Variants in UBE3C observed in about 807,000 individuals in gnomAD.
UBE3C encodes the protein ubiquitin protein ligase E3C, also known as ubiquitin-protein ligase E3C.
A neutral mutation model predicts 129.4 loss-of-function variants in UBE3C; 42 were observed. The observed-to-expected ratio is 0.32, with a 90% CI of 0.25 to 0.42. The LOEUF (loss-of-function observed/expected upper bound fraction) is 0.42. UBE3C is among the 10% of genes least tolerant of loss of function. UBE3C has a pLI of 1.00. For missense variants in UBE3C, 1,049 were observed against 1,319.1 expected (o/e 0.80, Z 3.17); for synonymous variants, 510 against 492.4 (o/e 1.04, Z -0.47).
intron 1 of UBE3C, among the ~76,000 whole-genome samples, chr7:157,144,958 T>G (rs943048581): frequency 5.9e-5 from 9 of 152,178 alleles, no homozygotes; most frequent in African/African-American, 2.2e-4. Flanking sequence ...CCTTACAGCG[T>G]TATACAGAAG....
At chr7:157,173,394 G>A (rs1808433120) in intron 4 of UBE3C, among the ~76,000 whole-genome samples, 1 of 152,164 alleles carries the variant, frequency 6.6e-6, no homozygotes, top group African/African-American at 2.4e-5. Flanking sequence ...AGATGCGATA[G>A]CAATAAATTA....
intron 10 of UBE3C, 68 bp downstream of exon 10, chr7:157,187,089 G>C: frequency 6.7e-7 from 1 of 1,490,406 alleles, no homozygotes; most frequent in South Asian, 1.3e-5. Flanking sequence ...CCTGGGAATT[G>C]CTCTCCTCTT....
chr7:157,176,788 C>T (rs1349166625), intron 5 of UBE3C, among the ~76,000 whole-genome samples: 1 of 152,050 alleles, frequency 6.6e-6, no homozygotes, highest in East Asian at 1.9e-4. Flanking sequence ...GGTCACAAAG[C>T]CTTAAGTGCT....
chr7:157,163,940 ATATG>A, intron 2 of UBE3C, 77 bp downstream of exon 2: 1 of 1,330,264 alleles, frequency 7.5e-7, no homozygotes, highest in Admixed American at 1.8e-5. Context: ...TTTACTGTAT[ATATG>A]TATGTGTGTA....
At chr7:157,158,336 G>C (rs1307775574) in intron 1 of UBE3C, among the ~76,000 whole-genome samples, 1 of 152,126 alleles carries the variant, frequency 6.6e-6, no homozygotes, top group Admixed American at 6.6e-5. Context: ...GTGAAACCAT[G>C]CACTCATACT....
intron 9 of UBE3C, among the ~76,000 whole-genome samples, chr7:157,184,577 T>C (rs1288039002): frequency 1.3e-5 from 2 of 152,230 alleles, no homozygotes; most frequent in Non-Finnish European, 2.9e-5. Context: ...ATGACTTTTT[T>C]TGGTCTTAAG....
rs760079244 is a variant in UBE3C, at chr7:157,170,296, T to G, written c.196-8T>G. ...TTTATGGGTCATTTTGTTTTGTTTT[T>G]CTTCCAGTATTCCATCCAAAGAAGT... On this transcript the variant is annotated splice_polypyrimidine_tract_variant and splice_region_variant and intron_variant, in intron 3 of 22. Transcript: ENST00000348165. 1 of 1,476,470 alleles carries G rather than the reference T, an allele frequency of 6.8e-7. No homozygotes were observed. Among genetic ancestry groups the G allele is most frequent in the South Asian group, 1.4e-5 (1 of 70,380 alleles). The allele number at this position is 1,476,470 out of a possible 1,614,324, so 91.5% of individuals were successfully genotyped here.
chr7:157,257,182 G>A, intron 22 of UBE3C, 138 bp downstream of exon 22: 1 of 1,218,892 alleles, frequency 8.2e-7, no homozygotes, highest in Non-Finnish European at 1.1e-6. Flanking sequence ...TTAAGTACTG[G>A]TTATGATGTA....
At chr7:157,166,672 G>A (rs187022080) in intron 2 of UBE3C, among the ~76,000 whole-genome samples, 131 of 151,194 alleles carry the variant, frequency 8.7e-4, no homozygotes, top group African/African-American at 2.9e-3. Flanking sequence ...CTCGGGAGGC[G>A]GAGGTTGTGG....
chr7:157,156,896 A>G (rs1424187597), intron 1 of UBE3C, among the ~76,000 whole-genome samples: 1 of 152,154 alleles, frequency 6.6e-6, no homozygotes, highest in South Asian at 2.1e-4. Context: ...CCAAAAAAAT[A>G]AAGCTGACTC....
chr7:157,178,180 A>T (rs1430318949), intron 5 of UBE3C, among the ~76,000 whole-genome samples: 2 of 152,138 alleles, frequency 1.3e-5, no homozygotes, highest in East Asian at 3.9e-4. Context: ...CGGATAGTTA[A>T]CCTGCAGTTC....
At chr7:157,234,501 G>C (rs1330934798) in intron 18 of UBE3C, among the ~76,000 whole-genome samples, 1 of 152,184 alleles carries the variant, frequency 6.6e-6, no homozygotes, top group Non-Finnish European at 1.5e-5. Flanking sequence ...AATAGCAGAT[G>C]GGAGTAGAAC....
At chr7:157,223,578 A>G (rs900104144) in intron 16 of UBE3C, among the ~76,000 whole-genome samples, 4 of 149,008 alleles carry the variant, frequency 2.7e-5, no homozygotes, top group Admixed American at 2.0e-4. Flanking sequence ...AAGCCAGTAA[A>G]CACTATAGAT....
intron 1 of UBE3C, among the ~76,000 whole-genome samples, chr7:157,162,999 A>G (rs555818437): frequency 6.6e-6 from 1 of 152,272 alleles, no homozygotes; most frequent in South Asian, 2.1e-4. Flanking sequence ...ACTTAGTTTT[A>G]TTTATGAAAA....
intron 1 of UBE3C, among the ~76,000 whole-genome samples, chr7:157,145,516 TA>T (rs1272636405): frequency 6.6e-6 from 1 of 152,006 alleles, no homozygotes; most frequent in Non-Finnish European, 1.5e-5. Flanking sequence ...GATACTCTTT[TA>T]AAAAAGAAAA....
intron 18 of UBE3C, among the ~76,000 whole-genome samples, chr7:157,235,968 G>T (rs993846785): frequency 3.0e-4 from 45 of 152,196 alleles, no homozygotes; most frequent in African/African-American, 4.6e-4. Flanking sequence ...TATATTGATT[G>T]ATTGTGATAT....
chr7:157,216,682 T>TA (rs1311115867), intron 13 of UBE3C, among the ~76,000 whole-genome samples, 185 bp from the exon 14 acceptor site: 55 of 152,354 alleles, frequency 3.6e-4, no homozygotes, highest in African/African-American at 1.3e-3. Flanking sequence ...TGTTGGCAGA[T>TA]AACTGCTTTG....
At chr7:157,223,833 T>C (rs1795802211) in intron 16 of UBE3C, among the ~76,000 whole-genome samples, 1 of 152,126 alleles carries the variant, frequency 6.6e-6, no homozygotes, top group African/African-American at 2.4e-5. Flanking sequence ...GGTAGGAGGA[T>C]CATTTGAGCC....
chr7:157,184,090 G>A, intron 9 of UBE3C, 61 bp downstream of exon 9: 2 of 1,581,890 alleles, frequency 1.3e-6, no homozygotes, highest in Non-Finnish European at 1.7e-6. Context: ...GGATCTTCTA[G>A]CTTTCTGTCC....
Sources: gnomAD v4.1 joint callset for allele counts (sites outside exome capture counted in the v4.1 genomes callset) on GRCh38, gnomAD v4.1.1 for gene constraint, MANE v1.5 for transcripts, NCBI Gene and HGNC (gene_info 2026-07-23, HGNC 2026-07-21) for gene names.